The following FNDC3B variants were observed in gnomAD, a reference collection of about 807,000 sequenced individuals.
FNDC3B encodes the protein fibronectin type III domain-containing protein 3B.
A neutral mutation model predicts 151.5 loss-of-function variants in FNDC3B; 12 were observed. The observed-to-expected ratio is 0.08, with a 90% CI of 0.05 to 0.13. The LOEUF is 0.13. FNDC3B is among the 10% of genes least tolerant of loss of function. FNDC3B has a pLI of 1.00. For missense variants in FNDC3B, 1,214 were observed against 1,505.3 expected, an observed-to-expected ratio of 0.81 and a Z score of 3.20; for synonymous variants, 528 against 549.0, an observed-to-expected ratio of 0.96 and a Z score of 0.54.
intron 3 of FNDC3B, among the ~76,000 whole-genome samples, chr3:172,142,065 G>C (rs989706369): frequency 2.0e-5 from 3 of 152,152 alleles, no homozygotes; most frequent in African/African-American, 7.2e-5. Flanking sequence ...TATCTGTAGA[G>C]CTGGAATAGT....
At chr3:172,332,240 G>T (rs1327337365) in intron 13 of FNDC3B, among the ~76,000 whole-genome samples, 4 of 152,118 alleles carry the variant, frequency 2.6e-5, no homozygotes, top group Non-Finnish European at 5.9e-5. Flanking sequence ...AAAGTGCTGG[G>T]ATTACAGTTG....
intron 11 of FNDC3B, among the ~76,000 whole-genome samples, chr3:172,318,080 C>T (rs1187107411): frequency 6.6e-6 from 1 of 152,228 alleles, no homozygotes. Context: ...AAAAACCTTC[C>T]TTACTCATGA....
intron 4 of FNDC3B, among the ~76,000 whole-genome samples, chr3:172,240,098 C>T (rs1220064269): frequency 6.6e-6 from 1 of 152,038 alleles, no homozygotes; most frequent in Non-Finnish European, 1.5e-5. Flanking sequence ...GTCTTGATCT[C>T]CTGACCTTGT....
At chr3:172,195,058 A>G (rs1267776623) in intron 3 of FNDC3B, among the ~76,000 whole-genome samples, 1 of 152,234 alleles carries the variant, frequency 6.6e-6, no homozygotes, top group Non-Finnish European at 1.5e-5. Flanking sequence ...ACTGAAAGAA[A>G]ACAAAGTCTA....
At chr3:172,231,862 T>C (rs1726908020) in intron 4 of FNDC3B, among the ~76,000 whole-genome samples, 1 of 150,854 alleles carries the variant, frequency 6.6e-6, no homozygotes, top group Non-Finnish European at 1.5e-5. Flanking sequence ...TTGTGCATTG[T>C]ATGGTCTTTA....
At chr3:172,063,494 GC>G (rs1717321295) in intron 1 of FNDC3B, among the ~76,000 whole-genome samples, 1 of 152,176 alleles carries the variant, frequency 6.6e-6, no homozygotes, top group Non-Finnish European at 1.5e-5. Context: ...TCCTCCTCAT[GC>G]ATTCCTGTGA....
intron 3 of FNDC3B, among the ~76,000 whole-genome samples, chr3:172,215,787 C>T (rs1445439133): frequency 6.6e-6 from 1 of 152,154 alleles, no homozygotes; most frequent in Non-Finnish European, 1.5e-5. Context: ...TTTTAATGAG[C>T]AATCTTTCTG....
intron 4 of FNDC3B, among the ~76,000 whole-genome samples, chr3:172,231,887 T>G (rs989176638): frequency 1.0e-4 from 15 of 148,354 alleles, no homozygotes; most frequent in Non-Finnish European, 9.0e-5. Context: ...CCGTTTTTTT[T>G]TTTTTTTTTT....
At chr3:172,346,883 T>C (rs536940936) in intron 20 of FNDC3B, among the ~76,000 whole-genome samples, 8 of 152,162 alleles carry the variant, frequency 5.3e-5, no homozygotes, top group African/African-American at 1.4e-4. Context: ...TTTGTACTTT[T>C]AGTAGAGATA....
At chr3:172,371,480 G>A (rs1393687658) in intron 23 of FNDC3B, among the ~76,000 whole-genome samples, 1 of 152,184 alleles carries the variant, frequency 6.6e-6, no homozygotes, top group Admixed American at 6.5e-5. Flanking sequence ...ATTGCCATCC[G>A]AGTGTCTTGT....
At chr3:172,181,350 C>T (rs925691241) in intron 3 of FNDC3B, among the ~76,000 whole-genome samples, 1 of 136,332 alleles carries the variant, frequency 7.3e-6, no homozygotes, top group Non-Finnish European at 1.5e-5. Flanking sequence ...GCTATGATTA[C>T]ACCACTGTAC....
At chr3:172,118,888 G>A (rs1164689886) in intron 2 of FNDC3B, among the ~76,000 whole-genome samples, 1 of 152,172 alleles carries the variant, frequency 6.6e-6, no homozygotes. Flanking sequence ...TGAGAGGATA[G>A]GCTGGCATGT....
At chr3:172,248,418 T>C (rs1293909723) in intron 5 of FNDC3B, among the ~76,000 whole-genome samples, 1 of 152,138 alleles carries the variant, frequency 6.6e-6, no homozygotes, top group African/African-American at 2.4e-5. Context: ...GCTACCAACA[T>C]TATATCTTTT....
chr3:172,356,771 T>C (rs960348604), intron 22 of FNDC3B, among the ~76,000 whole-genome samples: 1 of 152,202 alleles, frequency 6.6e-6, no homozygotes, highest in Non-Finnish European at 1.5e-5. Context: ...GATTATTCTC[T>C]TCTTTCATGT....
intron 4 of FNDC3B, among the ~76,000 whole-genome samples, chr3:172,239,393 C>T (rs1727348994): frequency 1.3e-5 from 2 of 152,190 alleles, no homozygotes. Context: ...CCACTTTAGG[C>T]ATGTTGGCAG....
chr3:172,125,183 T>A (rs535046683), intron 2 of FNDC3B, among the ~76,000 whole-genome samples: 67 of 152,326 alleles, frequency 4.4e-4, no homozygotes, highest in Non-Finnish European at 7.1e-4. Flanking sequence ...TTACATGATC[T>A]CCACATTAAC....
At chr3:172,145,704 T>A (rs909951824) in intron 3 of FNDC3B, among the ~76,000 whole-genome samples, 2 of 152,208 alleles carry the variant, frequency 1.3e-5, no homozygotes, top group Non-Finnish European at 2.9e-5. Flanking sequence ...TTAAAGAGCA[T>A]CTGTACTTAG....
intron 1 of FNDC3B, among the ~76,000 whole-genome samples, chr3:172,098,613 A>G (rs1276001545): frequency 1.3e-5 from 2 of 152,236 alleles, no homozygotes; most frequent in East Asian, 1.9e-4. Context: ...AGTACTTTCC[A>G]GAATATTTGA....
intron 11 of FNDC3B, chr3:172,321,635 G>A: frequency 5.3e-6 from 1 of 189,052 alleles, no homozygotes. Context: ...CTGCCTCCCG[G>A]GTGCAAGCAA....
Sources: gnomAD v4.1 joint callset for allele counts (sites outside exome capture counted in the v4.1 genomes callset) on GRCh38, gnomAD v4.1.1 for gene constraint, MANE v1.5 for transcripts, NCBI Gene and HGNC (gene_info 2026-07-23, HGNC 2026-07-21) for gene names.